DPYD: variants seen among roughly 807,000 people sequenced by gnomAD.
The protein encoded by DPYD is dihydropyrimidine dehydrogenase [NADP(+)].
DPYD carries 109 observed loss-of-function variants against 116.2 expected under a neutral mutation model. The ratio of observed to expected loss-of-function variants is 0.94; its 90% CI spans 0.80 to 1.10. The LOEUF (loss-of-function observed/expected upper bound fraction) is 1.10. DPYD is among the 50% of genes least tolerant of loss of function. The probability of loss-of-function intolerance (pLI) is 0.00; values close to 1 mark genes in which losing one functional copy is unlikely to be tolerated. For missense variants in DPYD, 1,302 were observed against 1,254.5 expected (o/e 1.04, Z -0.57); for synonymous variants, 440 against 432.0 (o/e 1.02, Z -0.23).
chr1:97,687,502 A>G (rs1660798611), intron 7 of DPYD, among the ~76,000 whole-genome samples: 2 of 152,160 alleles, frequency 1.3e-5, no homozygotes, highest in Admixed American at 1.3e-4. Flanking sequence ...GGCTGTGGAG[A>G]AATATAAATG....
intron 16 of DPYD, among the ~76,000 whole-genome samples, chr1:97,325,303 T>C (rs1464831890): frequency 6.6e-6 from 1 of 152,066 alleles, no homozygotes; most frequent in East Asian, 1.9e-4. Flanking sequence ...AAAGGCAGCA[T>C]CCAGCACTAT....
At chr1:97,393,859 A>G (rs1266372796) in intron 14 of DPYD, among the ~76,000 whole-genome samples, 8 of 151,950 alleles carry the variant, frequency 5.3e-5, no homozygotes, top group Admixed American at 2.6e-4. Flanking sequence ...TCCTTGAGGA[A>G]CTGCCACACT....
At chr1:97,439,926 T>C (rs1221386995) in intron 14 of DPYD, among the ~76,000 whole-genome samples, 2 of 152,182 alleles carry the variant, frequency 1.3e-5, no homozygotes. Context: ...TTCCATTCAG[T>C]TCAAGGTACT....
intron 19 of DPYD, among the ~76,000 whole-genome samples, chr1:97,231,825 C>T (rs1423370312): frequency 3.9e-5 from 6 of 152,204 alleles, no homozygotes; most frequent in Non-Finnish European, 7.3e-5. Flanking sequence ...ATAATCTTTA[C>T]TTCCATGTGT....
intron 8 of DPYD, among the ~76,000 whole-genome samples, chr1:97,666,036 C>A (rs572697403): frequency 6.6e-6 from 1 of 152,226 alleles, no homozygotes; most frequent in Admixed American, 6.5e-5. Flanking sequence ...TGTATATTTT[C>A]TTTTTTCTTA....
intron 1 of DPYD, among the ~76,000 whole-genome samples, chr1:97,913,895 T>C (rs534013135): frequency 4.6e-5 from 7 of 152,078 alleles, no homozygotes; most frequent in African/African-American, 1.7e-4. Flanking sequence ...TCGCCTCCTA[T>C]ATAAATCAGG....
At chr1:97,616,579 A>G (rs1198305769) in intron 8 of DPYD, among the ~76,000 whole-genome samples, 1 of 152,310 alleles carries the variant, frequency 6.6e-6, no homozygotes, top group African/African-American at 2.4e-5. Flanking sequence ...ATTTGCAAGC[A>G]TATTAATATT....
chr1:97,356,604 A>G (rs1670441926), intron 16 of DPYD, among the ~76,000 whole-genome samples: 3 of 152,190 alleles, frequency 2.0e-5, no homozygotes, highest in Admixed American at 2.0e-4. Flanking sequence ...CTAGACCAAT[A>G]TTGTGCACTT....
At chr1:97,504,118 G>A (rs76899606) in intron 13 of DPYD, among the ~76,000 whole-genome samples, 2,596 of 152,110 alleles carry the variant, frequency 0.017, 79 homozygotes, top group African/African-American at 0.06. Flanking sequence ...TTTGGAGCAT[G>A]CTTCTGGGAT....
intron 20 of DPYD, among the ~76,000 whole-genome samples, chr1:97,181,516 T>C (rs1479195448): frequency 1.3e-5 from 2 of 152,152 alleles, no homozygotes; most frequent in Non-Finnish European, 2.9e-5. Flanking sequence ...TTCTCAATTA[T>C]TTAGAAGCTT....
intron 20 of DPYD, among the ~76,000 whole-genome samples, chr1:97,119,673 T>C (rs1652271225): frequency 6.6e-6 from 1 of 152,182 alleles, no homozygotes; most frequent in African/African-American, 2.4e-5. Context: ...CTGACCCCTC[T>C]GACTTCATCC....
At chr1:97,263,454 T>C (rs1364861070) in intron 18 of DPYD, among the ~76,000 whole-genome samples, 4 of 152,126 alleles carry the variant, frequency 2.6e-5, no homozygotes, top group Admixed American at 6.6e-5. Flanking sequence ...TGATGGGTAA[T>C]GATTCCCACA....
In DPYD at chr1:97,199,770, G is replaced by A. The variant is rs574609839; in HGVS notation, c.2443-6522C>T. Reference sequence around the variant, plus strand: ...TCTCCCTCCTTTACATCTGAAAAAGGAGGATGATAACATCTTATTGTTGTG... The same window carrying A: ...TCTCCCTCCTTTACATCTGAAAAAGAAGGATGATAACATCTTATTGTTGTG... On this transcript the variant is annotated intron_variant, in intron 19 of 22. Transcript: ENST00000370192. 3.6e-4 allele frequency among the ~76,000 whole-genome samples: 55 copies of A among 152,212 alleles called. 1 individual carries two copies. Among genetic ancestry groups the A allele is most frequent in the African/African-American group, 1.3e-3 (52 of 41,536 alleles).
chr1:97,590,506 C>T (rs1210597903), intron 10 of DPYD, among the ~76,000 whole-genome samples: 1 of 152,174 alleles, frequency 6.6e-6, no homozygotes, highest in Non-Finnish European at 1.5e-5. Context: ...GGCCCTTTCT[C>T]TCATGAAGCT....
intron 1 of DPYD, among the ~76,000 whole-genome samples, chr1:97,896,903 T>C (rs1286433655): frequency 6.6e-6 from 1 of 151,948 alleles, no homozygotes; most frequent in Non-Finnish European, 1.5e-5. Flanking sequence ...AACCCCATAC[T>C]TTACTGTTTA....
chr1:97,383,071 AG>A (rs1268796946), intron 14 of DPYD, among the ~76,000 whole-genome samples: 1 of 152,218 alleles, frequency 6.6e-6, no homozygotes, highest in Non-Finnish European at 1.5e-5. Context: ...CTCTGAAACT[AG>A]GATGTCCAGG....
At chr1:97,808,433 CAATT>C (rs1191271975) in intron 3 of DPYD, among the ~76,000 whole-genome samples, 1 of 151,976 alleles carries the variant, frequency 6.6e-6, no homozygotes, top group Admixed American at 6.6e-5. Context: ...TATATGAAAA[CAATT>C]AACTTTTGTA....
chr1:97,430,648 A>T (rs1675123896), intron 14 of DPYD, among the ~76,000 whole-genome samples: 1 of 152,124 alleles, frequency 6.6e-6, no homozygotes, highest in Non-Finnish European at 1.5e-5. Flanking sequence ...GATGCACATA[A>T]AAGAGAAGCA....
rs374208470 is a variant in DPYD, at chr1:97,511,467, T to C, written c.1740+4259A>G. On this transcript the variant is annotated intron_variant, in intron 13 of 22. Transcript: ENST00000370192. The stretch of plus-strand genomic sequence containing the variant: ...CCCACACTACACTGCTTCTCCATAT[T>C]TGTTAGATTTTTTTCTAACGTATTT... Among the ~76,000 whole-genome samples the C allele has an allele frequency of 2.0e-4, 30 of 152,140 alleles. 1 individual carries two copies. The South Asian group carries it at 6.2e-3, about 32-fold the overall frequency.
Sources: gnomAD v4.1 joint callset for allele counts (sites outside exome capture counted in the v4.1 genomes callset) on GRCh38, gnomAD v4.1.1 for gene constraint, MANE v1.5 for transcripts, NCBI Gene and HGNC (gene_info 2026-07-23, HGNC 2026-07-21) for gene names.